Variants in ACOT7 observed in about 807,000 individuals in gnomAD.
The protein encoded by ACOT7 is acyl-CoA thioesterase 7.
A neutral mutation model predicts 40.2 loss-of-function variants in ACOT7; 12 were observed. That is an observed-to-expected ratio of 0.30 (90% CI 0.19 to 0.48). The LOEUF (loss-of-function observed/expected upper bound fraction) is 0.48. Among genes scored for constraint, ACOT7 ranks in the 20% least tolerant of loss-of-function variants. The pLI, the probability that ACOT7 is intolerant of heterozygous loss-of-function variation, is 0.99. For missense variants in ACOT7, 395 were observed against 530.8 expected (o/e 0.74, Z 2.51); for synonymous variants, 228 against 219.5 (o/e 1.04, Z -0.34).
At chr1:6,360,720 T>C (rs1393215685) in intron 1 of ACOT7, 2 of 1,611,946 alleles carry the variant, frequency 1.2e-6, no homozygotes, top group African/African-American at 2.7e-5. Context: ...GGAATGAGCC[T>C]GGGCCCCAAT....
At chr1:6,304,313 G>C (rs1335903516) in intron 6 of ACOT7, among the ~76,000 whole-genome samples, 1 of 106,576 alleles carries the variant, frequency 9.4e-6, no homozygotes, top group Non-Finnish European at 1.8e-5. Context: ...GGACAATGTG[G>C]CACCAAAAAA....
At chr1:6,382,429 C>A (rs1642357128) in intron 1 of ACOT7, among the ~76,000 whole-genome samples, 1 of 151,880 alleles carries the variant, frequency 6.6e-6, no homozygotes, top group Non-Finnish European at 1.5e-5. Flanking sequence ...AACAAAAAAA[C>A]TGAGCTGGAC....
At chr1:6,307,056 C>T (rs1201193291) in intron 6 of ACOT7, among the ~76,000 whole-genome samples, 4 of 152,124 alleles carry the variant, frequency 2.6e-5, no homozygotes, top group African/African-American at 9.7e-5. Context: ...CTCAAGACCC[C>T]CAGCAGCGTT....
At chr1:6,356,382 C>T (rs1336308562) in intron 1 of ACOT7, among the ~76,000 whole-genome samples, 2 of 152,154 alleles carry the variant, frequency 1.3e-5, no homozygotes, top group South Asian at 2.1e-4. Flanking sequence ...GAGGCAGCAG[C>T]GGCAGCACCC....
chr1:6,264,879 C>T (rs1638773597), intron 8 of ACOT7, among the ~76,000 whole-genome samples, 184 bp from the exon 9 acceptor site: 1 of 152,208 alleles, frequency 6.6e-6, no homozygotes, highest in African/African-American at 2.4e-5. Context: ...GCATGGGGCT[C>T]ATGTCCCACC....
rs1245783723 is a variant in ACOT7 at position 6,264,470 on chromosome 1, G to A, written c.*127C>T. On this transcript the variant is annotated 3_prime_UTR_variant, in exon 9 of 9. Transcript: ENST00000361521. Reference sequence around the variant, plus strand: ...AGAGTACAGGTTAACACTGTGATACGAAAACTTCAGACAACACCAGCTCTC... The same window carrying A: ...AGAGTACAGGTTAACACTGTGATACAAAAACTTCAGACAACACCAGCTCTC... 1.3e-5 allele frequency: 11 copies of A among 815,060 alleles called. No individual in the cohort carries two copies. The highest frequency in any genetic ancestry group is 5.2e-5 in the African/African-American group (3 of 58,050). The allele number at this position is 815,060 out of a possible 1,614,324, so 50.5% of individuals were successfully genotyped here. A position where few individuals can be genotyped will look rare whatever the true frequency, so the allele number is the denominator to read the frequency against.
rs925287628 is a variant in ACOT7 at position 6,294,189 on chromosome 1, C to T, written c.829+675G>A. 1.3e-5 allele frequency among the ~76,000 whole-genome samples: 2 copies of T among 152,216 alleles called. No homozygotes were observed. Among genetic ancestry groups the T allele is most frequent in the African/African-American group, 2.4e-5 (1 of 41,454 alleles). ...GGGTGCACGGCCTCATCTCAGCAGA[C>T]GTCACACTGACAAAAATCACCACGT... On this transcript the variant is annotated intron_variant, in intron 7 of 8. Transcript: ENST00000361521. This position sits in a 1 kb window ranked among gnomAD's most constrained non-coding sequence, Gnocchi z 4.6.
At chr1:6,353,706 TAAAG>T (rs988812345) in intron 1 of ACOT7, among the ~76,000 whole-genome samples, 1 of 152,170 alleles carries the variant, frequency 6.6e-6, no homozygotes, top group African/African-American at 2.4e-5. Context: ...TATCTAAAAA[TAAAG>T]AAAGACACAG....
At chr1:6,334,914 G>A (rs1158754306) in intron 3 of ACOT7, among the ~76,000 whole-genome samples, 1 of 152,192 alleles carries the variant, frequency 6.6e-6, no homozygotes, top group Non-Finnish European at 1.5e-5. Flanking sequence ...TGTCAGGCAC[G>A]GTGGCTCACA....
intron 8 of ACOT7, among the ~76,000 whole-genome samples, chr1:6,270,413 G>A (rs1426947004): frequency 6.6e-6 from 1 of 152,228 alleles, no homozygotes; most frequent in East Asian, 1.9e-4. Context: ...GCACTGGCCA[G>A]TGGTGCCAGC....
chr1:6,268,010 A>G (rs1360847380), intron 8 of ACOT7, among the ~76,000 whole-genome samples: 1 of 152,234 alleles, frequency 6.6e-6, no homozygotes. Context: ...GGGTCTGCCT[A>G]TCACCCATTT....
In ACOT7 at chr1:6,289,586, C is replaced by G. The variant is rs570338743; in HGVS notation, c.829+5278G>C. ...ATGGGGCCTCACCATGTTGCCCAGG[C>G]TGGTCTCAAACTCCAGGGCTCAAGT... On this transcript the variant is annotated intron_variant, in intron 7 of 8. Coordinates refer to ENST00000361521, the MANE Select transcript of ACOT7 (RefSeq NM_007274.4). The surrounding 1 kb of genome is among the most constrained non-coding windows in gnomAD (Gnocchi z 4.6). Among the ~76,000 whole-genome samples, 1 of 152,296 alleles carries G rather than the reference C, an allele frequency of 6.6e-6. No homozygotes were observed. Among genetic ancestry groups the G allele is most frequent in the African/African-American group, 2.4e-5 (1 of 41,570 alleles).
intron 1 of ACOT7, chr1:6,360,581 C>A (rs1381065598): frequency 6.2e-7 from 1 of 1,614,196 alleles, no homozygotes; most frequent in Admixed American, 1.7e-5. Context: ...GTTTGGCCTT[C>A]TCCCCAAAAC....
At chr1:6,319,114 A>G (rs1640571344) in intron 5 of ACOT7, among the ~76,000 whole-genome samples, 1 of 152,210 alleles carries the variant, frequency 6.6e-6, no homozygotes, top group Non-Finnish European at 1.5e-5. Context: ...CCAACACTGC[A>G]CTGCTCCTGA....
chr1:6,348,444 C>T (rs1641495346), intron 2 of ACOT7, among the ~76,000 whole-genome samples: 3 of 152,184 alleles, frequency 2.0e-5, no homozygotes, highest in Admixed American at 2.0e-4. Context: ...TGGCTGTCCC[C>T]ACCTCCCAAA....
chr1:6,298,006 G>A (rs1639859914), intron 6 of ACOT7, among the ~76,000 whole-genome samples: 1 of 152,188 alleles, frequency 6.6e-6, no homozygotes, highest in South Asian at 2.1e-4. Context: ...ATAAGAAGAT[G>A]CTGCTAAATG....
At chr1:6,322,468 T>C (rs963339802) in intron 5 of ACOT7, among the ~76,000 whole-genome samples, 1 of 152,220 alleles carries the variant, frequency 6.6e-6, no homozygotes, top group Non-Finnish European at 1.5e-5. Flanking sequence ...CTGGGGCCGC[T>C]GTAACAAGAG....
intron 8 of ACOT7, among the ~76,000 whole-genome samples, chr1:6,267,407 C>A (rs931195376): frequency 1.6e-4 from 25 of 152,164 alleles, no homozygotes; most frequent in African/African-American, 6.0e-4. Context: ...GGGAATGGCC[C>A]GTCCAAGGCC....
intron 7 of ACOT7, among the ~76,000 whole-genome samples, chr1:6,284,549 C>G (rs1052973194): frequency 8.8e-5 from 12 of 135,922 alleles, no homozygotes; most frequent in African/African-American, 3.6e-4. Flanking sequence ...GCACTCCAGC[C>G]TGGGCAACAA....
Sources: allele counts gnomAD v4.1 joint callset (sites outside exome capture counted in the v4.1 genomes callset), GRCh38; gene constraint gnomAD v4.1.1; non-coding constraint Gnocchi (gnomAD v3.1); transcripts MANE v1.5; gene names NCBI Gene and HGNC (gene_info 2026-07-23, HGNC 2026-07-21).